Variants in STAC2 observed in about 807,000 individuals in gnomAD.
STAC2 encodes the protein SH3 and cysteine-rich domain-containing protein 2.
In STAC2, 36 loss-of-function variants were observed where a neutral mutation model predicts 49.0. The ratio of observed to expected loss-of-function variants is 0.74; its 90% CI spans 0.56 to 0.97. STAC2 has a LOEUF of 0.97. Ranked by LOEUF, STAC2 falls within the 50% of genes least tolerant of loss-of-function variation. STAC2 has a pLI of 0.00. For synonymous variants in STAC2, 239 were observed against 214.7 expected (o/e 1.11, Z -0.99); for missense variants, 527 against 543.8 (o/e 0.97, Z 0.31).
chr17:39,218,275 A>G (rs2046428498), intron 1 of STAC2, 102 bp from the exon 2 acceptor site: 5 of 1,236,886 alleles, frequency 4.0e-6, no homozygotes, highest in African/African-American at 1.5e-5. Context: ...CAGCAGCAGC[A>G]GCAGCAGCAG....
At chr17:39,219,365 C>G (rs79212369) in intron 1 of STAC2, among the ~76,000 whole-genome samples, 7,829 of 152,188 alleles carry the variant, frequency 0.051, 684 homozygotes, top group African/African-American at 0.18. Context: ...TTTATCCTGC[C>G]AATATGCTTC....
chr17:39,220,808 T>TTA (rs1395883010), intron 1 of STAC2, among the ~76,000 whole-genome samples: 2 of 150,560 alleles, frequency 1.3e-5, no homozygotes, highest in African/African-American at 2.4e-5. Flanking sequence ...ATTTATTTAT[T>TTA]TATTTTGAGA....
Position 39,217,965 on chromosome 17 carries a change from C to T in STAC2, c.299G>A (p.Arg100His), listed in dbSNP as rs752716848. The part of the protein sequence containing the change: ...TPSPSPCPVP[R>H]PLAALKPVRL... ...CACTGGTTTGAGCGCTGCCAGGGGG[C>T]GTGGGACTGGGCATGGGGAGGGGGA... Residue 100 changes from arginine to histidine, a missense_variant, in exon 2 of 11, where the codon CGC becomes CAC. Physicochemically the swap from Arg to His is conservative, Grantham distance 29 (BLOSUM62 0). Transcript: ENST00000333461. 13 of 1,553,382 alleles carry T rather than the reference C, an allele frequency of 8.4e-6. No individual in the cohort carries two copies. Among genetic ancestry groups the T allele is most frequent in the East Asian group, 2.5e-5 (1 of 40,586 alleles).
intron 1 of STAC2, among the ~76,000 whole-genome samples, chr17:39,223,486 C>T (rs2046481575): frequency 6.6e-6 from 1 of 152,222 alleles, no homozygotes. Flanking sequence ...CCCCTCCCCT[C>T]CCCTACTCCT....
chr17:39,214,938 C>T lies in STAC2; in HGVS notation c.772+13G>A. On this transcript the variant is annotated intron_variant, in intron 6 of 10. Coordinates refer to ENST00000333461, the MANE Select transcript of STAC2 (RefSeq NM_198993.5). ...GTACCCCATTCCTGCCCTTGATGCCCACCACCACTCACCACTGTCACCAGG... is the reference window on the plus strand; with the variant it reads ...GTACCCCATTCCTGCCCTTGATGCCTACCACCACTCACCACTGTCACCAGG... The T allele has an allele frequency of 1.9e-6, 3 of 1,614,050 alleles. No individual in the cohort carries two copies. Among genetic ancestry groups the T allele is most frequent in the Non-Finnish European group, 1.7e-6 (2 of 1,179,984 alleles).
Position 39,225,492 on chromosome 17 carries a change from A to C in STAC2, c.11T>G (p.Met4Arg), listed in dbSNP as rs753985430. 1.9e-6 allele frequency: 3 copies of C among 1,610,354 alleles called. No individual in the cohort carries two copies. Among genetic ancestry groups the C allele is most frequent in the Non-Finnish European group, 2.5e-6 (3 of 1,178,778 alleles). ...ATCCGGTTCGTTCTCCTTCTCGCTC[A>C]TCTCGGTCATGGTTCGGGGAGAGGG... is the stretch of plus-strand genomic sequence containing the variant. Reference protein sequence around the residue: MTEMSEKENEPDDA... With the variant: MTERSEKENEPDDA... The change falls in exon 1 of 11, where the codon ATG (methionine) becomes AGG (arginine). Residue 4 changes from methionine to arginine, a missense_variant. Met to Arg is a moderately conservative substitution (Grantham distance 91). Coordinates refer to ENST00000333461, the MANE Select transcript of STAC2 (RefSeq NM_198993.5). This position sits in a 1 kb window ranked among gnomAD's most constrained non-coding sequence, Gnocchi z 8.2.
Position 39,218,176 on chromosome 17 carries a change from G to A in STAC2, c.91-3C>T, listed in dbSNP as rs1018986361. ...AGGGAGCGCTTGAATCGCTGGAGCT[G>A]GGAGAAAAAGAGGGAGCTGTGAGTG... On this transcript the variant is annotated splice_region_variant and splice_polypyrimidine_tract_variant and intron_variant, in intron 1 of 10. Transcript: ENST00000333461. The A allele has an allele frequency of 1.9e-6, 3 of 1,613,252 alleles. No individual in the cohort carries two copies. The highest frequency in any genetic ancestry group is 8.5e-7 in the Non-Finnish European group (1 of 1,180,004).
Position 39,212,310 on chromosome 17 carries a change from G to T in STAC2, c.1218C>A (p.Asp406Glu), listed in dbSNP as rs760074901. Residue 406 changes from aspartate to glutamate, a missense_variant, in exon 11 of 11, where the codon GAC becomes GAA. Coordinates refer to ENST00000333461, the MANE Select transcript of STAC2 (RefSeq NM_198993.5). The part of the protein sequence containing the change: ...SGKKRGLVPV[D>E]ALTEI ...GCTCCTCTCAGATCTCAGTCAGGGC[G>T]TCGACTGGCACCAGGCCCCGCTTCT... The T allele has an allele frequency of 6.2e-7, 1 of 1,610,712 alleles. No homozygotes were observed.
intron 1 of STAC2, 90 bp from the exon 2 acceptor site, chr17:39,218,263 GGCAGCAGCA>G (rs553618301): frequency 3.7e-6 from 5 of 1,350,384 alleles, no homozygotes; most frequent in Non-Finnish European, 4.2e-6. Flanking sequence ...CGGTAGGGGC[GGCAGCAGCA>G]GCAGCAGCAG....
intron 1 of STAC2, among the ~76,000 whole-genome samples, chr17:39,224,200 A>G (rs938022940): frequency 1.3e-5 from 2 of 152,198 alleles, no homozygotes; most frequent in Non-Finnish European, 2.9e-5. Flanking sequence ...GAAGGGGGAC[A>G]GTGGAAAGAA....
In STAC2 at chr17:39,217,972, CTGGGCA is replaced by C; in HGVS notation, c.286_291del (p.Cys96_Pro97del). The C allele has an allele frequency of 6.4e-7, 1 of 1,561,940 alleles. No homozygotes were observed. Among genetic ancestry groups the C allele is most frequent in the Non-Finnish European group, 8.7e-7 (1 of 1,153,326 alleles). ...TTGAGCGCTGCCAGGGGGCGTGGGACTGGGCATGGGGAGGGGGATGGGGTAGCCAGG... is the reference window on the plus strand; with the variant it reads ...TTGAGCGCTGCCAGGGGGCGTGGGACTGGGGAGGGGGATGGGGTAGCCAGG... On this transcript the variant is annotated inframe_deletion, in exon 2 of 11. Coordinates refer to ENST00000333461, the MANE Select transcript of STAC2 (RefSeq NM_198993.5).
intron 1 of STAC2, among the ~76,000 whole-genome samples, chr17:39,220,894 A>T (rs536224767): frequency 1.4e-3 from 202 of 148,848 alleles, no homozygotes; most frequent in Middle Eastern, 0.011. Context: ...CCTCCCGGGT[A>T]CACGCCATTC....
rs1479787630 is a variant in STAC2, at chr17:39,210,548, A to C, written c.*1744T>G. Reference sequence around the variant, plus strand: ...GACACAGAGCAGATGGGCTGGGACAAGAAACATTTAATTAGGGGTCTGGGG... The same window carrying C: ...GACACAGAGCAGATGGGCTGGGACACGAAACATTTAATTAGGGGTCTGGGG... On this transcript the variant is annotated 3_prime_UTR_variant, in exon 11 of 11. Coordinates refer to ENST00000333461, the MANE Select transcript of STAC2 (RefSeq NM_198993.5). The C allele has an allele frequency of 6.6e-6, 1 of 152,540 alleles. No individual in the cohort carries two copies. The highest frequency in any genetic ancestry group is 2.4e-5 in the African/African-American group (1 of 41,364). 9.4% of individuals were successfully genotyped at this position (152,540 alleles called of 1,614,324 possible). A position where few individuals can be genotyped will look rare whatever the true frequency, so the allele number is the denominator to read the frequency against.
In STAC2 at chr17:39,217,868, T is replaced by G; in HGVS notation, c.396A>C (p.Val132=). ...CCGCCTCAGTGCCCAGGCACCTACC[T>G]ACGATGAGCTGGTGGCACAGCTCAC... ...SPCELCHQLI[V]GNSKQGLRCK... is the part of the protein sequence containing the mutation. Residue 132 remains valine (V), a splice_region_variant and synonymous_variant, in exon 2 of 11, where the codon GTA becomes GTC. Transcript: ENST00000333461. The G allele has an allele frequency of 6.2e-7, 1 of 1,600,936 alleles. No individual in the cohort carries two copies. The highest frequency in any genetic ancestry group is 1.1e-5 in the South Asian group (1 of 88,958).
chr17:39,221,076 GTGAGCCACCA>G (rs1465628847), intron 1 of STAC2, among the ~76,000 whole-genome samples: 1 of 151,344 alleles, frequency 6.6e-6, no homozygotes, highest in East Asian at 1.9e-4. Context: ...GATTACAGGC[GTGAGCCACCA>G]TGCCTGCCCT....
In STAC2 at chr17:39,215,176, A is replaced by G. The variant is rs1490482237; in HGVS notation, c.641T>C (p.Leu214Pro). 1 of 1,614,014 alleles carries G rather than the reference A, an allele frequency of 6.2e-7. No homozygotes were observed. Among genetic ancestry groups the G allele is most frequent in the East Asian group, 2.2e-5 (1 of 44,874 alleles). Reference sequence around the variant, plus strand: ...GAAACTGGAGCGGTTCATCAGTGCCAGGGAGGTGCCATAGCGCAGGGTCTC... The same window carrying G: ...GAAACTGGAGCGGTTCATCAGTGCCGGGGAGGTGCCATAGCGCAGGGTCTC... ...VYETLRYGTS[L>P]ALMNRSSFSS... The change falls in exon 5 of 11, where the codon CTG (leucine) becomes CCG (proline). Residue 214 changes from leucine to proline, a missense_variant. Coordinates refer to ENST00000333461, the MANE Select transcript of STAC2 (RefSeq NM_198993.5).
chr17:39,218,213 G>T (rs2046426906), intron 1 of STAC2, 40 bp from the exon 2 acceptor site: 1 of 1,610,598 alleles, frequency 6.2e-7, no homozygotes, highest in South Asian at 1.1e-5. Context: ...GAGCCTAGAG[G>T]GGGCTGGCCA....
intron 10 of STAC2, among the ~76,000 whole-genome samples, 155 bp from the exon 11 acceptor site, chr17:39,212,551 A>G (rs1006144518): frequency 6.6e-6 from 1 of 152,158 alleles, no homozygotes; most frequent in African/African-American, 2.4e-5. Flanking sequence ...ACCAGATCCC[A>G]GGAGTGTAGA....
intron 1 of STAC2, among the ~76,000 whole-genome samples, chr17:39,223,724 C>A (rs374369022): frequency 6.6e-6 from 1 of 152,206 alleles, no homozygotes; most frequent in South Asian, 2.1e-4. Flanking sequence ...CAGGGCAGGG[C>A]CTGGGAGGCC....
Sources: gnomAD v4.1 joint callset for allele counts (sites outside exome capture counted in the v4.1 genomes callset) on GRCh38, gnomAD v4.1.1 for gene constraint, Gnocchi (gnomAD v3.1) non-coding constraint, MANE v1.5 for transcripts, NCBI Gene and HGNC (gene_info 2026-07-23, HGNC 2026-07-21) for gene names.